The following ACAD11 variants were observed in gnomAD, a reference collection of about 807,000 sequenced individuals.
ACAD11 encodes the protein acyl-CoA dehydrogenase family member 11.
A neutral mutation model predicts 102.2 loss-of-function variants in ACAD11; 83 were observed. The ratio of observed to expected loss-of-function variants is 0.81; its 90% CI spans 0.68 to 0.97. ACAD11 has a LOEUF of 0.97. Ranked by LOEUF, ACAD11 falls within the 50% of genes least tolerant of loss-of-function variation. The pLI is 0.00. For synonymous variants in ACAD11, 324 were observed against 319.8 expected, an observed-to-expected ratio of 1.01 and a Z score of -0.14; for missense variants, 901 against 951.7, an observed-to-expected ratio of 0.95 and a Z score of 0.70.
intron 13 of ACAD11, among the ~76,000 whole-genome samples, chr3:132,582,273 A>G (rs529199465): frequency 2.7e-4 from 41 of 151,946 alleles, no homozygotes; most frequent in Admixed American, 3.9e-4. Flanking sequence ...TGAATAAATT[A>G]AGAAAGAGAA....
intron 16 of ACAD11, 39 bp downstream of exon 16, chr3:132,576,905 A>G: frequency 6.6e-6 from 9 of 1,355,106 alleles, no homozygotes; most frequent in Non-Finnish European, 9.5e-6. Flanking sequence ...TGAAATATTA[A>G]TGTACAATAC....
intron 17 of ACAD11, among the ~76,000 whole-genome samples, chr3:132,564,520 T>C (rs1257768244): frequency 6.6e-6 from 1 of 152,204 alleles, no homozygotes; most frequent in Non-Finnish European, 1.5e-5. Flanking sequence ...GGAATTGGTC[T>C]ACTTCATCTA....
chr3:132,609,983 C>G (rs990717530), intron 11 of ACAD11, among the ~76,000 whole-genome samples: 1 of 151,994 alleles, frequency 6.6e-6, no homozygotes, highest in East Asian at 1.9e-4. Flanking sequence ...CATATGCAAA[C>G]CAATCGATGT....
At chr3:132,589,081 A>G (rs759141597) in intron 13 of ACAD11, among the ~76,000 whole-genome samples, 1 of 152,184 alleles carries the variant, frequency 6.6e-6, no homozygotes, top group Non-Finnish European at 1.5e-5. Context: ...CTTTTTCACT[A>G]TATGAGGACA....
intron 13 of ACAD11, chr3:132,600,809 T>C: frequency 1.2e-6 from 2 of 1,614,048 alleles, no homozygotes; most frequent in South Asian, 1.1e-5. Flanking sequence ...CATAGACAGA[T>C]ATGTGGCAGT....
chr3:132,600,748 C>T (rs762454214), intron 13 of ACAD11: 2 of 1,613,864 alleles, frequency 1.2e-6, no homozygotes, highest in African/African-American at 2.7e-5. Flanking sequence ...TAACTTCAGC[C>T]TTGTACACAC....
At chr3:132,590,758 A>C (rs577385544) in intron 13 of ACAD11, among the ~76,000 whole-genome samples, 1 of 152,320 alleles carries the variant, frequency 6.6e-6, no homozygotes, top group East Asian at 1.9e-4. Context: ...TCTAATGATC[A>C]GTGATATTGA....
chr3:132,634,382 C>T (rs1213783762), intron 5 of ACAD11, among the ~76,000 whole-genome samples: 4 of 151,788 alleles, frequency 2.6e-5, no homozygotes, highest in Non-Finnish European at 2.9e-5. Flanking sequence ...GTTAGAATGG[C>T]GATCATTAAA....
chr3:132,642,230 T>C, intron 3 of ACAD11, 97 bp from the exon 4 acceptor site: 1 of 1,181,900 alleles, frequency 8.5e-7, no homozygotes, highest in Non-Finnish European at 1.2e-6. Flanking sequence ...TATTTAATAT[T>C]AGAGTATACA....
chr3:132,588,427 AAT>A lies in ACAD11; in HGVS notation c.1622-8871_1622-8870del, dbSNP rs897585012. ...CAAATATACATTTTTATTCATGACA[AAT>A]ATATGAGTTTTATTTATCAGCTGAA... is the stretch of plus-strand genomic sequence containing the variant. On this transcript the variant is annotated intron_variant, in intron 13 of 19. Transcript: ENST00000264990. Among the ~76,000 whole-genome samples, 7 of 152,168 alleles carry A rather than the reference AAT, an allele frequency of 4.6e-5. No homozygotes were observed. In the South Asian group the frequency reaches 6.2e-4, roughly 14 times the overall value.
At chr3:132,659,018 G>T (rs904000047) in intron 1 of ACAD11, among the ~76,000 whole-genome samples, 1 of 152,128 alleles carries the variant, frequency 6.6e-6, no homozygotes, top group Non-Finnish European at 1.5e-5. Flanking sequence ...AAAGTTTTAA[G>T]AATGTATTAT....
chr3:132,659,029 C>T (rs1937979697), intron 1 of ACAD11, among the ~76,000 whole-genome samples: 2 of 152,124 alleles, frequency 1.3e-5, no homozygotes, highest in South Asian at 4.2e-4. Flanking sequence ...AATGTATTAT[C>T]TATTGTAAAA....
intron 13 of ACAD11, among the ~76,000 whole-genome samples, chr3:132,598,527 T>C (rs1010561943): frequency 2.6e-5 from 4 of 152,222 alleles, no homozygotes; most frequent in Non-Finnish European, 5.9e-5. Flanking sequence ...CAAGGTAGTA[T>C]GGGAAACGCA....
intron 1 of ACAD11, 102 bp downstream of exon 1, chr3:132,659,497 AAAAG>A (rs2107918698): frequency 6.6e-7 from 1 of 1,510,454 alleles, no homozygotes; most frequent in East Asian, 2.3e-5. Context: ...TGACTGCAGG[AAAAG>A]CAATCAGGGT....
rs150791512 is a variant in ACAD11, at chr3:132,573,222, G to A, written c.2001+2550C>T. ...CTTGGTCATGTTTGCCCTTCAACAGGGGATATTTGATTAGAGTTTCCCTAA... is the reference window on the plus strand; with the variant it reads ...CTTGGTCATGTTTGCCCTTCAACAGAGGATATTTGATTAGAGTTTCCCTAA... On this transcript the variant is annotated intron_variant, in intron 17 of 19. Coordinates refer to ENST00000264990, the MANE Select transcript of ACAD11 (RefSeq NM_032169.5). Among the ~76,000 whole-genome samples, 104 of 152,104 alleles carry A rather than the reference G, an allele frequency of 6.8e-4. 1 individual carries two copies. Among genetic ancestry groups the A allele is most frequent in the African/African-American group, 2.0e-3 (81 of 41,494 alleles).
At chr3:132,571,716 T>A (rs975640621) in intron 17 of ACAD11, among the ~76,000 whole-genome samples, 1 of 152,144 alleles carries the variant, frequency 6.6e-6, no homozygotes, top group African/African-American at 2.4e-5. Context: ...TCCACCATGA[T>A]CCAGTAGGCT....
intron 4 of ACAD11, among the ~76,000 whole-genome samples, chr3:132,641,567 GA>G (rs1940501813): frequency 2.3e-5 from 2 of 88,360 alleles, no homozygotes; most frequent in African/African-American, 9.7e-5. Context: ...TGATGAAGAA[GA>G]AGAAGAAGAA....
At chr3:132,596,425 G>GT (rs200719958) in intron 13 of ACAD11, among the ~76,000 whole-genome samples, 202 of 151,662 alleles carry the variant, frequency 1.3e-3, no homozygotes, top group South Asian at 2.3e-3. Context: ...GAACTTAAAA[G>GT]TTTTTTTTTA....
intron 11 of ACAD11, among the ~76,000 whole-genome samples, chr3:132,607,875 G>A (rs1002361213): frequency 6.6e-6 from 1 of 152,110 alleles, no homozygotes; most frequent in Non-Finnish European, 1.5e-5. Context: ...CAGCCAGAGA[G>A]GTCAGGTTAC....
Sources: allele counts gnomAD v4.1 joint callset (sites outside exome capture counted in the v4.1 genomes callset), GRCh38; gene constraint gnomAD v4.1.1; transcripts MANE v1.5; gene names NCBI Gene and HGNC (gene_info 2026-07-23, HGNC 2026-07-21).